The following CCDC61 variants were observed in gnomAD, a reference collection of about 807,000 sequenced individuals.
CCDC61 encodes the protein coiled-coil domain containing 61.
Under a neutral mutation model 63.0 loss-of-function variants are expected in CCDC61, and 55 were observed. The observed-to-expected ratio is 0.87, with a 90% CI of 0.70 to 1.09. The LOEUF is 1.09. Ranked by LOEUF, CCDC61 falls within the 50% of genes least tolerant of loss-of-function variation. The probability of loss-of-function intolerance (pLI) is 0.00; values close to 1 mark genes in which losing one functional copy is unlikely to be tolerated. For missense variants in CCDC61, 651 were observed against 731.4 expected (o/e 0.89, Z 1.27); for synonymous variants, 270 against 317.0 (o/e 0.85, Z 1.58).
chr19:46,015,074 CG>C lies in CCDC61; in HGVS notation c.580del (p.Glu194SerfsTer76). 2.0e-6 allele frequency: 3 copies of C among 1,467,004 alleles called. No homozygotes were observed. Among genetic ancestry groups the C allele is most frequent in the South Asian group, 1.3e-5 (1 of 77,892 alleles). 90.9% of individuals were successfully genotyped at this position (1,467,004 alleles called of 1,614,324 possible). On this transcript the variant is annotated frameshift_variant, in exon 6 of 14. Transcript: ENST00000595358. LOFTEE classifies it high-confidence loss of function. The surrounding 1 kb of genome is among the most constrained non-coding windows in gnomAD (Gnocchi z 5.3). ...EQVSRLASEKRELEAQLGRSR... is the reference protein window; with the variant it reads ...EQVSRLASEKXELEAQLGRSR... The stretch of plus-strand genomic sequence containing the variant: ...GGTGTCGCGCCTGGCGTCCGAGAAG[CG>C]GGAGCTGGAGGCGCAGCTGGGCCGA...
Position 46,018,455 on chromosome 19 carries a change from A to G in CCDC61, c.*68A>G, listed in dbSNP as rs573239332. The G allele has an allele frequency of 1.8e-5, 24 of 1,354,812 alleles. No individual in the cohort carries two copies. The African/African-American group carries it at 3.3e-4, about 19-fold the overall frequency. The allele number at this position is 1,354,812 out of a possible 1,614,324, so 83.9% of individuals were successfully genotyped here. A position where few individuals can be genotyped will look rare whatever the true frequency, so the allele number is the denominator to read the frequency against. On this transcript the variant is annotated 3_prime_UTR_variant, in exon 14 of 14. Transcript: ENST00000595358. The surrounding 1 kb of genome is among the most constrained non-coding windows in gnomAD (Gnocchi z 4.2). ...TGGGTATGGTGTGGGGGGTGGGGCC[A>G]GGGTGGCCTCCAGCCCTGCCCAGTC...
In CCDC61 at chr19:46,008,314, G is replaced by A. The variant is rs1968755169; in HGVS notation, c.551+13G>A. The A allele has an allele frequency of 2.8e-6, 4 of 1,405,838 alleles. No individual in the cohort carries two copies. Among genetic ancestry groups the A allele is most frequent in the Non-Finnish European group, 4.0e-6 (4 of 1,012,256 alleles). The allele number at this position is 1,405,838 out of a possible 1,614,324, so 87.1% of individuals were successfully genotyped here. A position where few individuals can be genotyped will look rare whatever the true frequency, so the allele number is the denominator to read the frequency against. ...ATCTGCGGGAGCAGTGAGTCTTGGA[G>A]GGGTGGGCAGCTGGGGCGGGTGGGG... On this transcript the variant is annotated intron_variant, in intron 5 of 13. Coordinates refer to ENST00000595358, the MANE Select transcript of CCDC61 (RefSeq NM_001267723.2).
chr19:46,010,969 G>A (rs1402255081), intron 5 of CCDC61, among the ~76,000 whole-genome samples: 1 of 152,060 alleles, frequency 6.6e-6, no homozygotes, highest in Non-Finnish European at 1.5e-5. Flanking sequence ...CCTCTCAAAT[G>A]TCTTTTTTGC....
rs183592774 is a variant in CCDC61, at chr19:46,004,100, G to A, written c.231+599G>A. ...ATTACAGGCGCACGCCACCATGCCC[G>A]GCTAATTTTTTGTATTTTTAGTAGA... On this transcript the variant is annotated intron_variant, in intron 3 of 13. Coordinates refer to ENST00000595358, the MANE Select transcript of CCDC61 (RefSeq NM_001267723.2). Among the ~76,000 whole-genome samples the A allele has an allele frequency of 1.1e-3, 167 of 151,874 alleles. 1 individual carries two copies. Among genetic ancestry groups the A allele is most frequent in the African/African-American group, 3.6e-3 (151 of 41,408 alleles).
At chr19:46,009,764 G>A (rs930484645) in intron 5 of CCDC61, among the ~76,000 whole-genome samples, 3 of 152,146 alleles carry the variant, frequency 2.0e-5, no homozygotes, top group South Asian at 4.1e-4. Context: ...AGGCCGCAGT[G>A]GGGAGGCCAA....
chr19:46,001,338 TGTCTCAGCCTCCC>T (rs1968587814), intron 1 of CCDC61, among the ~76,000 whole-genome samples: 1 of 152,200 alleles, frequency 6.6e-6, no homozygotes, highest in Non-Finnish European at 1.5e-5. Flanking sequence ...GCGATTCTCC[TGTCTCAGCCTCCC>T]GAGTAGCTGG....
chr19:46,000,054 G>T, intron 1 of CCDC61: 1 of 985,286 alleles, frequency 1.0e-6, no homozygotes. Flanking sequence ...GATGGAGGAT[G>T]CAGGTAGAGG....
In CCDC61 at chr19:46,015,681, G is replaced by A. The variant is rs1378607385; in HGVS notation, c.845+254G>A. Among the ~76,000 whole-genome samples the A allele has an allele frequency of 1.3e-5, 2 of 152,160 alleles. No homozygotes were observed. Among genetic ancestry groups the A allele is most frequent in the Non-Finnish European group, 2.9e-5 (2 of 68,020 alleles). Reference sequence around the variant, plus strand: ...TTCAGGAGGGACTGGGAAAGGGATCGTGCCCTAGGGTCTCCTGGTGCGAAA... The same window carrying A: ...TTCAGGAGGGACTGGGAAAGGGATCATGCCCTAGGGTCTCCTGGTGCGAAA... On this transcript the variant is annotated intron_variant, in intron 7 of 13. Transcript: ENST00000595358. This position sits in a 1 kb window ranked among gnomAD's most constrained non-coding sequence, Gnocchi z 5.3.
chr19:46,011,386 CT>C (rs1968826514), intron 5 of CCDC61, among the ~76,000 whole-genome samples: 1 of 152,132 alleles, frequency 6.6e-6, no homozygotes, highest in Admixed American at 6.6e-5. Flanking sequence ...TTATATCCCC[CT>C]CTCCACTTTT....
chr19:46,015,375 C>T lies in CCDC61; in HGVS notation c.793C>T (p.Leu265=). The change falls in exon 7 of 14, where the codon CTG becomes TTG. Residue 265 remains leucine (L), a synonymous_variant. Transcript: ENST00000595358. The surrounding 1 kb of genome is among the most constrained non-coding windows in gnomAD (Gnocchi z 5.3). ...GGAGGCGAAGGCATCGGAGCGGAGC[C>T]TGCGCGCCCGGCTGAAGACGCTGAC... ...LEEAKASERS[L]RARLKTLTSE... The T allele has an allele frequency of 6.2e-7, 1 of 1,603,438 alleles. No homozygotes were observed. The highest frequency in any genetic ancestry group is 8.5e-7 in the Non-Finnish European group (1 of 1,179,122).
Position 46,012,902 on chromosome 19 carries a change from A to G in CCDC61, c.552-2147A>G, listed in dbSNP as rs1280087184. On this transcript the variant is annotated intron_variant, in intron 5 of 13. Coordinates refer to ENST00000595358, the MANE Select transcript of CCDC61 (RefSeq NM_001267723.2). ...AGTCTTGCCCTGTCACCCAGGCTAGAGTGCAGTAGTGCAGTCATGGCTCAC... is the reference window on the plus strand; with the variant it reads ...AGTCTTGCCCTGTCACCCAGGCTAGGGTGCAGTAGTGCAGTCATGGCTCAC... 3.3e-5 allele frequency among the ~76,000 whole-genome samples: 5 copies of G among 150,936 alleles called. No individual in the cohort carries two copies. In the East Asian group the frequency reaches 9.8e-4, roughly 29 times the overall value.
At chr19:46,013,913 C>T (rs1194359485) in intron 5 of CCDC61, among the ~76,000 whole-genome samples, 1 of 151,804 alleles carries the variant, frequency 6.6e-6, no homozygotes, top group African/African-American at 2.4e-5. Context: ...TGGCCTTAGG[C>T]TATATCCCGC....
Position 46,003,478 on chromosome 19 carries a change from A to G in CCDC61, c.208A>G (p.Met70Val). The change falls in exon 3 of 14, where the codon ATG becomes GTG. Residue 70 changes from methionine to valine, a missense_variant. Transcript: ENST00000595358. Reference sequence around the variant, plus strand: ...CAAACAGTTCAACATCTTCTGTCATATGCTGGAGTCAGCCCTCACTCAGGT... The same window carrying G: ...CAAACAGTTCAACATCTTCTGTCATGTGCTGGAGTCAGCCCTCACTCAGGT... ...NFKQFNIFCH[M>V]LESALTQSSE... The G allele has an allele frequency of 7.0e-7, 1 of 1,434,952 alleles. No homozygotes were observed. The highest frequency in any genetic ancestry group is 9.4e-7 in the Non-Finnish European group (1 of 1,068,616). The allele number at this position is 1,434,952 out of a possible 1,614,324, so 88.9% of individuals were successfully genotyped here.
rs115768618 is a variant in CCDC61 at position 46,012,775 on chromosome 19, G to A, written c.552-2274G>A. ...GCACCAGATCTCACTCACTTGATTT[G>A]CTTATGGTTTTGCCAGCTGAACTAT... is the stretch of plus-strand genomic sequence containing the variant. On this transcript the variant is annotated intron_variant, in intron 5 of 13. Transcript: ENST00000595358. Among the ~76,000 whole-genome samples, 783 of 151,958 alleles carry A rather than the reference G, an allele frequency of 5.2e-3. 10 individuals are homozygous for A. Among genetic ancestry groups the A allele is most frequent in the African/African-American group, 0.017 (711 of 41,458 alleles).
chr19:46,013,249 C>A lies in CCDC61; in HGVS notation c.552-1800C>A, dbSNP rs1171627356. On this transcript the variant is annotated intron_variant, in intron 5 of 13. Transcript: ENST00000595358. ...ATATTGGCCAGGCTGGTCTTGAACTCATGACCTCAGGTGATCTGCCTGCCT... is the reference window on the plus strand; with the variant it reads ...ATATTGGCCAGGCTGGTCTTGAACTAATGACCTCAGGTGATCTGCCTGCCT... Among the ~76,000 whole-genome samples, 3 of 152,078 alleles carry A rather than the reference C, an allele frequency of 2.0e-5. 1 individual carries two copies. The highest frequency in any genetic ancestry group is 4.4e-5 in the Non-Finnish European group (3 of 68,014).
intron 5 of CCDC61, among the ~76,000 whole-genome samples, chr19:46,009,839 C>T (rs893930763): frequency 1.9e-5 from 2 of 107,536 alleles, no homozygotes; most frequent in African/African-American, 4.1e-5. Context: ...TGTGTGTGTG[C>T]GCGCGCGTTT....
intron 5 of CCDC61, 100 bp from the exon 6 acceptor site, chr19:46,014,949 C>T: frequency 9.5e-7 from 1 of 1,057,776 alleles, no homozygotes; most frequent in Non-Finnish European, 1.3e-6. Flanking sequence ...GCCGTGTACC[C>T]CCTTCCGGGG....
chr19:45,997,447 G>A (rs1968514488), intron 1 of CCDC61, among the ~76,000 whole-genome samples: 1 of 152,114 alleles, frequency 6.6e-6, no homozygotes, highest in African/African-American at 2.4e-5. Flanking sequence ...CTGGAGTGCA[G>A]TGGCGCGATC....
At chr19:45,997,380 C>T (rs932316292) in intron 1 of CCDC61, among the ~76,000 whole-genome samples, 2 of 152,050 alleles carry the variant, frequency 1.3e-5, no homozygotes, top group Admixed American at 1.3e-4. Flanking sequence ...ACACCACTAC[C>T]TGATATAGAT....
Sources: gnomAD v4.1 joint callset for allele counts (sites outside exome capture counted in the v4.1 genomes callset) on GRCh38, gnomAD v4.1.1 for gene constraint, Gnocchi (gnomAD v3.1) non-coding constraint, MANE v1.5 for transcripts, NCBI Gene and HGNC (gene_info 2026-07-23, HGNC 2026-07-21) for gene names.